MRC2: variants seen among roughly 807,000 people sequenced by gnomAD.
MRC2 encodes the protein mannose receptor C-type 2.
A neutral mutation model predicts 206.2 loss-of-function variants in MRC2; 84 were observed. The observed-to-expected ratio is 0.41, with a 90% confidence interval of 0.34 to 0.49. The LOEUF (loss-of-function observed/expected upper bound fraction) is 0.49. Ranked by LOEUF, MRC2 falls within the 20% of genes least tolerant of loss-of-function variation. The pLI, the probability that MRC2 is intolerant of heterozygous loss-of-function variation, is 0.31. For synonymous variants in MRC2, 798 were observed against 800.0 expected (o/e 1.00, Z 0.04); for missense variants, 1,676 against 2,001.5 (o/e 0.84, Z 3.10).
chr17:62,653,125 G>T (rs2147451140), intron 1 of MRC2, among the ~76,000 whole-genome samples: 1 of 152,308 alleles, frequency 6.6e-6, no homozygotes, highest in South Asian at 2.1e-4. Context: ...CCGGAGCAGA[G>T]GCTGGAGGCG....
chr17:62,692,517 C>A lies in MRC2; in HGVS notation c.*66C>A. On this transcript the variant is annotated 3_prime_UTR_variant, in exon 30 of 30. Transcript: ENST00000303375. The surrounding 1 kb of genome is among the most constrained non-coding windows in gnomAD (Gnocchi z 4.2). ...GAGCTGGGGCCCTGGGTCAGTCTGG[C>A]CCCCCACCAGCTGCCTGTCCAGTTG... The A allele has an allele frequency of 6.9e-7, 1 of 1,451,978 alleles. No individual in the cohort carries two copies. Among genetic ancestry groups the A allele is most frequent in the Non-Finnish European group, 9.3e-7 (1 of 1,072,720 alleles). The allele number at this position is 1,451,978 out of a possible 1,614,324, so 89.9% of individuals were successfully genotyped here.
chr17:62,629,291 T>C (rs931783054), intron 1 of MRC2, among the ~76,000 whole-genome samples: 2 of 152,152 alleles, frequency 1.3e-5, no homozygotes, highest in African/African-American at 2.4e-5. Context: ...AGAGCACACT[T>C]TAAAGCCAGG....
intron 18 of MRC2, 80 bp downstream of exon 18, chr17:62,681,209 A>T (rs1163311233): frequency 2.7e-6 from 4 of 1,506,344 alleles, no homozygotes; most frequent in Non-Finnish European, 3.6e-6. Flanking sequence ...TTGCATTTGA[A>T]TCCAGCCCTG....
chr17:62,662,894 A>G (rs2088698017), intron 1 of MRC2, among the ~76,000 whole-genome samples: 1 of 152,276 alleles, frequency 6.6e-6, no homozygotes, highest in Non-Finnish European at 1.5e-5. Flanking sequence ...GGGCAACACG[A>G]GCAATAGTCC....
At chr17:62,639,985 C>CT (rs1159560563) in intron 1 of MRC2, among the ~76,000 whole-genome samples, 1 of 143,296 alleles carries the variant, frequency 7.0e-6, no homozygotes, top group Non-Finnish European at 1.5e-5. Context: ...TCCCGAGTAG[C>CT]TGGGATTACA....
chr17:62,690,104 CGGT>C (rs749515956), intron 25 of MRC2, 42 bp downstream of exon 25: 37 of 1,578,418 alleles, frequency 2.3e-5, no homozygotes, highest in African/African-American at 5.4e-5. Context: ...GGCAAGCTGT[CGGT>C]GGCCCCGGGG....
rs529448384 is a variant in MRC2 at position 62,652,780 on chromosome 17, G to A, written c.119-11768G>A. 6.9e-6 allele frequency among the ~76,000 whole-genome samples: 1 copy of A among 145,148 alleles called. No individual in the cohort carries two copies. Among genetic ancestry groups the A allele is most frequent in the African/African-American group, 2.5e-5 (1 of 39,234 alleles). Reference sequence around the variant, plus strand: ...AGTGGCGCCGCTTGGGGGGGTGCACGATGGCAGGGGGAGGGGTGCTCGGTG... The same window carrying A: ...AGTGGCGCCGCTTGGGGGGGTGCACAATGGCAGGGGGAGGGGTGCTCGGTG... On this transcript the variant is annotated intron_variant, in intron 1 of 29. Coordinates refer to ENST00000303375, the MANE Select transcript of MRC2 (RefSeq NM_006039.5). The surrounding 1 kb of genome is among the most constrained non-coding windows in gnomAD (Gnocchi z 4.6).
rs572169902 is a variant in MRC2, at chr17:62,692,194, C to T, written c.4220-37C>T. The T allele has an allele frequency of 1.7e-5, 28 of 1,613,818 alleles. No homozygotes were observed. The Admixed American group carries it at 2.2e-4, about 12-fold the overall frequency. ...AGGCAGGAAGCACTGCTGGGCCTAA[C>T]GCCCACTTGGCCTTTCACGCCCACT... On this transcript the variant is annotated intron_variant, in intron 29 of 29. Transcript: ENST00000303375. The surrounding 1 kb of genome is among the most constrained non-coding windows in gnomAD (Gnocchi z 4.2).
At chr17:62,686,450 C>CAACAACA (rs2089033373) in intron 20 of MRC2, among the ~76,000 whole-genome samples, 1 of 58,352 alleles carries the variant, frequency 1.7e-5, no homozygotes, top group African/African-American at 5.1e-5. Flanking sequence ...AAGACTCCAT[C>CAACAACA]TCAACAACAA....
At position 62,666,313 on chromosome 17, in the gene MRC2, G is replaced by A. The variant is rs1037780662; in HGVS notation, c.694+46G>A. 1 of 1,555,522 alleles carries A rather than the reference G, an allele frequency of 6.4e-7. No homozygotes were observed. The highest frequency in any genetic ancestry group is 8.7e-7 in the Non-Finnish European group (1 of 1,154,192). ...GGGGGCGGGGGCAGTGTTCCTGGAG[G>A]GAGGCTGGTGCTGAGGGGCCCCGGG... On this transcript the variant is annotated intron_variant, in intron 3 of 29. Coordinates refer to ENST00000303375, the MANE Select transcript of MRC2 (RefSeq NM_006039.5). The surrounding 1 kb of genome is among the most constrained non-coding windows in gnomAD (Gnocchi z 5.0).
At position 62,680,821 on chromosome 17, in the gene MRC2, T is replaced by C. The variant is rs1436256456; in HGVS notation, c.2495T>C (p.Phe832Ser). Residue 832 changes from phenylalanine to serine, a missense_variant, in exon 17 of 30, where the codon TTC becomes TCC. Phe to Ser is a radical substitution (Grantham distance 155). Around this residue, in one of 3 missense-constraint regions of MRC2, gnomAD observed 1,354 missense variants for 1,636.6 expected, o/e 0.83. Transcript: ENST00000303375. This position sits in a 1 kb window ranked among gnomAD's most constrained non-coding sequence, Gnocchi z 4.8. The part of the protein sequence containing the change: ...SPQGRREWLR[F>S]QEAEYKFFEH... ...GCAGGCCGACGGGAATGGCTGCGCT[T>C]CCAGGAGGCCGAGTACAAGTTCTTT... 1 of 1,611,938 alleles carries C rather than the reference T, an allele frequency of 6.2e-7. No individual in the cohort carries two copies. Among genetic ancestry groups the C allele is most frequent in the Non-Finnish European group, 8.5e-7 (1 of 1,179,494 alleles).
At chr17:62,634,225 C>T (rs930933208) in intron 1 of MRC2, among the ~76,000 whole-genome samples, 5 of 151,958 alleles carry the variant, frequency 3.3e-5, no homozygotes, top group African/African-American at 7.3e-5. Context: ...ACTGTCGTGG[C>T]GCTGATAGGA....
At chr17:62,648,245 A>G (rs1377197737) in intron 1 of MRC2, among the ~76,000 whole-genome samples, 2 of 152,214 alleles carry the variant, frequency 1.3e-5, no homozygotes. Flanking sequence ...CTCTACTAAA[A>G]ATACAAAAAT....
chr17:62,643,079 G>A (rs916704436), intron 1 of MRC2, among the ~76,000 whole-genome samples: 2 of 152,112 alleles, frequency 1.3e-5, no homozygotes, highest in Admixed American at 1.3e-4. Flanking sequence ...TGTAATCCCA[G>A]CACTTTGGGA....
At position 62,675,541 on chromosome 17, in the gene MRC2, C is replaced by T. The variant is rs1265182521; in HGVS notation, c.1570-249C>T. ...TTCCCGAGCCGGGTCACTGGCCGGT[C>T]GCTGGTGGCCTGCCAATCAGCCACG... On this transcript the variant is annotated intron_variant, in intron 9 of 29. Transcript: ENST00000303375. The surrounding 1 kb of genome is among the most constrained non-coding windows in gnomAD (Gnocchi z 4.1). 3.3e-5 allele frequency among the ~76,000 whole-genome samples: 5 copies of T among 152,236 alleles called. No homozygotes were observed. The highest frequency in any genetic ancestry group is 5.9e-5 in the Non-Finnish European group (4 of 68,044).
rs548812376 is a variant in MRC2 at position 62,667,782 on chromosome 17, C to G, written c.1117+249C>G. ...AATACCCACTGTTACCTCGTAGAGACCACAGTCTGCTGGAGGTGACAGACA... is the reference window on the plus strand; with the variant it reads ...AATACCCACTGTTACCTCGTAGAGAGCACAGTCTGCTGGAGGTGACAGACA... On this transcript the variant is annotated intron_variant, in intron 6 of 29. Coordinates refer to ENST00000303375, the MANE Select transcript of MRC2 (RefSeq NM_006039.5). The surrounding 1 kb of genome is among the most constrained non-coding windows in gnomAD (Gnocchi z 4.1). 7.6e-4 allele frequency among the ~76,000 whole-genome samples: 116 copies of G among 152,362 alleles called. No homozygotes were observed. The highest frequency in any genetic ancestry group is 6.8e-3 in the Middle Eastern group (2 of 294).
chr17:62,659,457 C>T (rs1345812641), intron 1 of MRC2, among the ~76,000 whole-genome samples: 4 of 151,920 alleles, frequency 2.6e-5, no homozygotes, highest in Admixed American at 6.6e-5. Flanking sequence ...GCAGAAGAAT[C>T]GCTTGAACCG....
chr17:62,658,442 G>A (rs1300295113), intron 1 of MRC2, among the ~76,000 whole-genome samples: 1 of 152,198 alleles, frequency 6.6e-6, no homozygotes, highest in Non-Finnish European at 1.5e-5. Context: ...GGAAACTGAG[G>A]CCTGAAAGGT....
At chr17:62,689,453 C>G (rs1034496493) in intron 23 of MRC2, 69 bp from the exon 24 acceptor site, 2 of 1,114,560 alleles carry the variant, frequency 1.8e-6, no homozygotes, top group Non-Finnish European at 2.6e-6. Flanking sequence ...CGGCCTTCTC[C>G]TGGCCTTGTG....
Sources: allele counts gnomAD v4.1 joint callset (sites outside exome capture counted in the v4.1 genomes callset), GRCh38; gene constraint gnomAD v4.1.1; regional missense constraint gnomAD v4.1.1; non-coding constraint Gnocchi (gnomAD v3.1); transcripts MANE v1.5; gene names NCBI Gene and HGNC (gene_info 2026-07-23, HGNC 2026-07-21).